Variants in PCDHGA4 observed in about 807,000 individuals in gnomAD.
The protein encoded by PCDHGA4 is protocadherin gamma subfamily A, 4.
In PCDHGA4, 38 loss-of-function variants were observed where a neutral mutation model predicts 54.6. The ratio of observed to expected loss-of-function variants is 0.70; its 90% CI spans 0.54 to 0.91. The LOEUF (loss-of-function observed/expected upper bound fraction) is 0.91, where lower values mean the gene tolerates loss of function less well. Among genes scored for constraint, PCDHGA4 ranks in the 40% least tolerant of loss-of-function variants. The probability of loss-of-function intolerance (pLI) is 0.00; values close to 1 mark genes in which losing one functional copy is unlikely to be tolerated. For synonymous variants in PCDHGA4, 511 were observed against 512.9 expected (o/e 1.00, Z 0.05); for missense variants, 1,298 against 1,220.9 (o/e 1.06, Z -0.94).
chr5:141,400,476 C>T (rs2094027348), intron 1 of PCDHGA4: 2 of 1,613,846 alleles, frequency 1.2e-6, no homozygotes, highest in African/African-American at 2.7e-5. Context: ...CATCTGGGGC[C>T]TTATTTCCAC....
intron 1 of PCDHGA4, chr5:141,396,140 G>A (rs1199993001): frequency 2.0e-5 from 3 of 152,178 alleles, no homozygotes; most frequent in Non-Finnish European, 4.4e-5. Flanking sequence ...TTCTAAATAA[G>A]CTGATCAATT....
In PCDHGA4 at chr5:141,490,506, C is replaced by T. The variant is rs967095367; in HGVS notation, c.2515-4301C>T. ...GGGAGGCCACATCCCACTATATCAT[C>T]GAGCTGCTGGCCAGCGATGCTGGTT... is the stretch of plus-strand genomic sequence containing the variant. On this transcript the variant is annotated intron_variant, in intron 1 of 3. Transcript: ENST00000571252. This position sits in a 1 kb window ranked among gnomAD's most constrained non-coding sequence, Gnocchi z 5.4. The T allele has an allele frequency of 1.2e-5, 19 of 1,614,116 alleles. No homozygotes were observed. The highest frequency in any genetic ancestry group is 2.2e-5 in the South Asian group (2 of 91,088).
chr5:141,405,758 G>A (rs533667979), intron 1 of PCDHGA4, among the ~76,000 whole-genome samples: 8 of 152,246 alleles, frequency 5.3e-5, no homozygotes, highest in South Asian at 2.1e-4. Context: ...GATTACAGGC[G>A]TGAGCCACTG....
intron 1 of PCDHGA4, chr5:141,409,740 T>C: frequency 6.2e-7 from 1 of 1,612,820 alleles, no homozygotes; most frequent in Non-Finnish European, 8.5e-7. Context: ...CAGAGCGGGG[T>C]GGTGTTCGCG....
At chr5:141,466,348 G>A (rs2099120992) in intron 1 of PCDHGA4, among the ~76,000 whole-genome samples, 2 of 151,876 alleles carry the variant, frequency 1.3e-5, no homozygotes, top group Admixed American at 6.6e-5. Context: ...TTTTTTTGCA[G>A]CTAATCTAGA....
At position 141,490,490 on chromosome 5, in the gene PCDHGA4, C is replaced by T; in HGVS notation, c.2515-4317C>T. 1 of 1,614,184 alleles carries T rather than the reference C, an allele frequency of 6.2e-7. No homozygotes were observed. The highest frequency in any genetic ancestry group is 8.5e-7 in the Non-Finnish European group (1 of 1,180,028). The stretch of plus-strand genomic sequence containing the variant: ...AGCCAGCCTTTGGACCGGGAGGCCA[C>T]ATCCCACTATATCATCGAGCTGCTG... On this transcript the variant is annotated intron_variant, in intron 1 of 3. Coordinates refer to ENST00000571252, the MANE Select transcript of PCDHGA4 (RefSeq NM_018917.4). The surrounding 1 kb of genome is among the most constrained non-coding windows in gnomAD (Gnocchi z 5.4).
At chr5:141,371,058 A>C in intron 1 of PCDHGA4, 9 of 1,613,990 alleles carry the variant, frequency 5.6e-6, no homozygotes, top group Non-Finnish European at 7.6e-6. Flanking sequence ...CGAGCCCTCC[A>C]GAAGCTGTAC....
chr5:141,399,999 A>G (rs1589395014), intron 1 of PCDHGA4: 1 of 1,612,302 alleles, frequency 6.2e-7, no homozygotes. Flanking sequence ...AGGTGCGCAC[A>G]GCGCGTGCCT....
chr5:141,497,211 G>C (rs914346878), intron 2 of PCDHGA4, among the ~76,000 whole-genome samples: 19 of 28,538 alleles, frequency 6.7e-4, no homozygotes, highest in African/African-American at 2.3e-3. Flanking sequence ...GAGTGTAATG[G>C]GGGGGGGAAG....
chr5:141,455,255 C>T (rs1049752169), intron 1 of PCDHGA4, among the ~76,000 whole-genome samples: 16 of 152,146 alleles, frequency 1.1e-4, no homozygotes, highest in African/African-American at 3.9e-4. Flanking sequence ...AGTACAATCG[C>T]ATTTCTTCCC....
chr5:141,441,750 A>C, intron 1 of PCDHGA4: 1 of 374,962 alleles, frequency 2.7e-6, no homozygotes, highest in South Asian at 2.1e-5. Context: ...GCTCGGCGTC[A>C]ACGTGAGCCT....
chr5:141,427,638 C>A, intron 1 of PCDHGA4: 1 of 708,528 alleles, frequency 1.4e-6, no homozygotes, highest in East Asian at 2.7e-5. Context: ...GGTTTTCCAC[C>A]AAGTCTCCTA....
At chr5:141,414,356 T>C in intron 1 of PCDHGA4, 1 of 1,613,950 alleles carries the variant, frequency 6.2e-7, no homozygotes, top group Non-Finnish European at 8.5e-7. Flanking sequence ...TTGGCGTATC[T>C]ACCATTTAAA....
intron 1 of PCDHGA4, among the ~76,000 whole-genome samples, chr5:141,475,250 A>G (rs941738675): frequency 6.6e-6 from 1 of 152,246 alleles, no homozygotes; most frequent in Non-Finnish European, 1.5e-5. Context: ...AGTGTGCTCT[A>G]CAACTGAGAT....
chr5:141,391,899 T>G (rs1283624057), intron 1 of PCDHGA4: 2 of 152,212 alleles, frequency 1.3e-5, no homozygotes, highest in Non-Finnish European at 2.9e-5. Flanking sequence ...GGATGGAGCT[T>G]TGCTTTTTAT....
intron 1 of PCDHGA4, chr5:141,422,395 C>T: frequency 1.9e-6 from 3 of 1,596,286 alleles, no homozygotes; most frequent in South Asian, 1.1e-5. Context: ...TATTCCTAAC[C>T]ACCTGCCTTT....
At chr5:141,366,562 T>C (rs767375100) in intron 1 of PCDHGA4, 21 of 1,614,112 alleles carry the variant, frequency 1.3e-5, no homozygotes, top group Non-Finnish European at 1.7e-5. Flanking sequence ...TGGGCGTGGA[T>C]GGGGTTCGGG....
chr5:141,493,962 T>C lies in PCDHGA4; in HGVS notation c.2515-845T>C, dbSNP rs550317675. 6.6e-6 allele frequency among the ~76,000 whole-genome samples: 1 copy of C among 152,320 alleles called. No homozygotes were observed. Among genetic ancestry groups the C allele is most frequent in the African/African-American group, 2.4e-5 (1 of 41,578 alleles). ...AGAAGGGACTCAGGAATGAAGTGGC[T>C]GGCCAGAGCCCCACACCTTCAGCTA... is the stretch of plus-strand genomic sequence containing the variant. On this transcript the variant is annotated intron_variant, in intron 1 of 3. Coordinates refer to ENST00000571252, the MANE Select transcript of PCDHGA4 (RefSeq NM_018917.4). This position sits in a 1 kb window ranked among gnomAD's most constrained non-coding sequence, Gnocchi z 4.3.
chr5:141,384,465 T>C, intron 1 of PCDHGA4: 2 of 1,614,118 alleles, frequency 1.2e-6, no homozygotes, highest in Non-Finnish European at 1.7e-6. Flanking sequence ...CCTTTGATTA[T>C]GAGCAGTTGA....
Sources: gnomAD v4.1 joint callset for allele counts (sites outside exome capture counted in the v4.1 genomes callset) on GRCh38, gnomAD v4.1.1 for gene constraint, Gnocchi (gnomAD v3.1) non-coding constraint, MANE v1.5 for transcripts, NCBI Gene and HGNC (gene_info 2026-07-23, HGNC 2026-07-21) for gene names.